Variants in GORAB observed in about 807,000 individuals in gnomAD.
GORAB encodes RAB6-interacting golgin.
In GORAB, 17 loss-of-function variants were observed where a neutral mutation model predicts 29.9. That is an observed-to-expected ratio of 0.57 (90% CI 0.39 to 0.85). The LOEUF is 0.85. Ranked by LOEUF, GORAB falls within the 40% of genes least tolerant of loss-of-function variation. GORAB has a pLI of 0.00. For synonymous variants in GORAB, 183 were observed against 157.2 expected (o/e 1.16, Z -1.23); for missense variants, 442 against 437.8 (o/e 1.01, Z -0.09).
Position 170,544,820 on chromosome 1 carries a change from G to A in GORAB, c.637G>A (p.Ala213Thr), listed in dbSNP as rs368316601. Reference sequence around the variant, plus strand: ...AATTCTCAGGAACCGGATTGATCAGGCCAGCTTAGACTATTCATACGCTCG... The same window carrying A: ...AATTCTCAGGAACCGGATTGATCAGACCAGCTTAGACTATTCATACGCTCG... ...IGILRNRIDQ[A>T]SLDYSYARKR... The change falls in exon 4 of 5, where the codon GCC becomes ACC. Residue 213 changes from alanine (A) to threonine (T), a missense_variant. Coordinates refer to ENST00000367763, the MANE Select transcript of GORAB (RefSeq NM_152281.3). The A allele has an allele frequency of 6.2e-7, 1 of 1,613,970 alleles. No individual in the cohort carries two copies.
chr1:170,539,660 C>T, intron 2 of GORAB, 93 bp downstream of exon 2: 1 of 1,320,546 alleles, frequency 7.6e-7, no homozygotes, highest in Non-Finnish European at 1.0e-6. Context: ...TTTATTTTAA[C>T]ATTTTCTCTC....
At chr1:170,542,408 G>T in intron 2 of GORAB, 83 bp from the exon 3 acceptor site, 1 of 801,204 alleles carries the variant, frequency 1.2e-6, no homozygotes, top group Non-Finnish European at 2.2e-6. Context: ...ATACTTAGAG[G>T]ACTGAGACTG....
At chr1:170,539,760 A>G in intron 2 of GORAB, 193 bp downstream of exon 2, 1 of 604,798 alleles carries the variant, frequency 1.7e-6, no homozygotes, top group Non-Finnish European at 2.8e-6. Context: ...GGCATTCTGT[A>G]TGTTTTATGT....
chr1:170,545,392 AATT>A, intron 4 of GORAB: 1 of 950,674 alleles, frequency 1.1e-6, no homozygotes, highest in Non-Finnish European at 1.3e-6. Context: ...TTTTCCTTTC[AATT>A]ATACTCTGTA....
intron 2 of GORAB, among the ~76,000 whole-genome samples, chr1:170,540,415 TTTCTC>T (rs1467271741): frequency 6.6e-6 from 1 of 152,192 alleles, no homozygotes; most frequent in Non-Finnish European, 1.5e-5. Context: ...ATTTTTCTGT[TTTCTC>T]TTTTCTGAGT....
chr1:170,545,063 A>G (rs1649673633), intron 4 of GORAB: 15 of 1,252,906 alleles, frequency 1.2e-5, no homozygotes, highest in Non-Finnish European at 1.5e-5. Flanking sequence ...GTGCCATTAG[A>G]GCAGTTCTTG....
chr1:170,552,384 T>C lies in GORAB; in HGVS notation c.1032T>C (p.Asn344=), dbSNP rs191464259. The change falls in exon 5 of 5, where the codon AAT becomes AAC. Residue 344 remains asparagine (N), a synonymous_variant. Coordinates refer to ENST00000367763, the MANE Select transcript of GORAB (RefSeq NM_152281.3). The part of the protein sequence containing the change: ...VSPKVDDQCG[N]SSSIPFLSPN... ...CAAAGGTAGATGACCAGTGTGGAAA[T>C]TCCAGTAGCATCCCCTTTCTTAGTC... is the stretch of plus-strand genomic sequence containing the variant. 2.6e-4 allele frequency: 412 copies of C among 1,614,086 alleles called. 1 individual carries two copies. The highest frequency in any genetic ancestry group is 3.3e-5 in the Non-Finnish European group (39 of 1,179,968).
chr1:170,549,560 G>C (rs1257000208), intron 4 of GORAB, among the ~76,000 whole-genome samples: 4 of 152,172 alleles, frequency 2.6e-5, no homozygotes, highest in African/African-American at 9.7e-5. Context: ...GCAGAAAAGG[G>C]AGGTTTGAGG....
chr1:170,551,442 T>A (rs1650095713), intron 4 of GORAB, among the ~76,000 whole-genome samples: 1 of 152,240 alleles, frequency 6.6e-6, no homozygotes, highest in Non-Finnish European at 1.5e-5. Flanking sequence ...ACTGTCCGTA[T>A]CTTTCTCCAT....
intron 2 of GORAB, 43 bp downstream of exon 2, chr1:170,539,610 A>G (rs759017968): frequency 6.3e-7 from 1 of 1,594,424 alleles, no homozygotes. Flanking sequence ...TTTTCATTTA[A>G]CCCGTTTTTT....
intron 1 of GORAB, among the ~76,000 whole-genome samples, chr1:170,534,191 C>T (rs1558001103): frequency 6.6e-6 from 1 of 152,100 alleles, no homozygotes; most frequent in South Asian, 2.1e-4. Flanking sequence ...ACTCATCTAG[C>T]GGGCTACTGT....
In GORAB at chr1:170,552,349, G is replaced by A. The variant is rs758215123; in HGVS notation, c.997G>A (p.Ala333Thr). 9.3e-6 allele frequency: 15 copies of A among 1,614,000 alleles called. No homozygotes were observed. Among genetic ancestry groups the A allele is most frequent in the Non-Finnish European group, 1.3e-5 (15 of 1,179,982 alleles). Residue 333 changes from alanine to threonine, a missense_variant, in exon 5 of 5, where the codon GCT (alanine) becomes ACT (threonine). Physicochemically the swap from Ala to Thr is moderately conservative, Grantham distance 58 (BLOSUM62 0). Coordinates refer to ENST00000367763, the MANE Select transcript of GORAB (RefSeq NM_152281.3). ...AKENRKCQEQ[A>T]VSPKVDDQCG... The stretch of plus-strand genomic sequence containing the variant: ...AGAGAACAGAAAGTGTCAAGAACAA[G>A]CTGTTTCCCCAAAGGTAGATGACCA...
At chr1:170,534,162 GATAA>G (rs1380416024) in intron 1 of GORAB, among the ~76,000 whole-genome samples, 5 of 152,250 alleles carry the variant, frequency 3.3e-5, no homozygotes, top group East Asian at 1.9e-4. Flanking sequence ...CAAGGGAATG[GATAA>G]ATAAATTGTG....
chr1:170,552,583 A>C lies in GORAB; in HGVS notation c.*121A>C. 1 of 873,594 alleles carries C rather than the reference A, an allele frequency of 1.1e-6. No individual in the cohort carries two copies. Among genetic ancestry groups the C allele is most frequent in the East Asian group, 2.6e-5 (1 of 39,190 alleles). The allele number at this position is 873,594 out of a possible 1,614,324, so 54.1% of individuals were successfully genotyped here. A position where few individuals can be genotyped will look rare whatever the true frequency, so the allele number is the denominator to read the frequency against. On this transcript the variant is annotated 3_prime_UTR_variant, in exon 5 of 5. Coordinates refer to ENST00000367763, the MANE Select transcript of GORAB (RefSeq NM_152281.3). ...AATGCTGATTTTTGAATTCATGATT[A>C]GTTTTAGTAAATTAATAGGTTTGGC...
chr1:170,539,873 C>T (rs1219332564), intron 2 of GORAB, among the ~76,000 whole-genome samples: 3 of 152,070 alleles, frequency 2.0e-5, no homozygotes, highest in African/African-American at 4.8e-5. Flanking sequence ...AAAGCTAATA[C>T]ACTGCTAGTA....
intron 4 of GORAB, chr1:170,545,751 T>C (rs1649717991): frequency 1.0e-6 from 1 of 984,802 alleles, no homozygotes; most frequent in South Asian, 4.7e-5. Context: ...CGGAAATGCT[T>C]GATTGTGGTT....
In GORAB at chr1:170,546,770, C is replaced by T. The variant is rs6427259; in HGVS notation, c.662+1925C>T. Among the ~76,000 whole-genome samples, 483 of 152,126 alleles carry T rather than the reference C, an allele frequency of 3.2e-3. 1 individual carries two copies. The highest frequency in any genetic ancestry group is 0.011 in the African/African-American group (456 of 41,498). ...TGCGATTTTGGCTCACTGCAACCTCCGCCTCCCAGATTCAAGCGATCCTCC... is the reference window on the plus strand; with the variant it reads ...TGCGATTTTGGCTCACTGCAACCTCTGCCTCCCAGATTCAAGCGATCCTCC... On this transcript the variant is annotated intron_variant, in intron 4 of 4. Transcript: ENST00000367763.
At position 170,532,179 on chromosome 1, in the gene GORAB, G is replaced by T; in HGVS notation, c.-45G>T. The T allele has an allele frequency of 1.2e-6, 2 of 1,613,642 alleles. No homozygotes were observed. Among genetic ancestry groups the T allele is most frequent in the Non-Finnish European group, 1.7e-6 (2 of 1,180,032 alleles). Reference sequence around the variant, plus strand: ...CTGGGCAGCAGTGTTGGCAGTCGCGGCTGCGAGATTTGGGCACTTTTGGGG... The same window carrying T: ...CTGGGCAGCAGTGTTGGCAGTCGCGTCTGCGAGATTTGGGCACTTTTGGGG... On this transcript the variant is annotated 5_prime_UTR_variant, in exon 1 of 5. Transcript: ENST00000367763.
intron 1 of GORAB, among the ~76,000 whole-genome samples, chr1:170,537,747 A>G (rs1214271917): frequency 6.6e-6 from 1 of 152,122 alleles, no homozygotes; most frequent in African/African-American, 2.4e-5. Context: ...GCAGCCCCTA[A>G]TACAGAGTGT....
Sources: gnomAD v4.1 joint callset for allele counts (sites outside exome capture counted in the v4.1 genomes callset) on GRCh38, gnomAD v4.1.1 for gene constraint, MANE v1.5 for transcripts, NCBI Gene and HGNC (gene_info 2026-07-23, HGNC 2026-07-21) for gene names.